CDKAL1: variants seen among roughly 807,000 people sequenced by gnomAD.
The protein encoded by CDKAL1 is CDKAL1 threonylcarbamoyladenosine tRNA methylthiotransferase, also known as threonylcarbamoyladenosine tRNA methylthiotransferase.
A neutral mutation model predicts 68.2 loss-of-function variants in CDKAL1; 32 were observed. The ratio of observed to expected loss-of-function variants is 0.47; its 90% CI spans 0.35 to 0.63. The LOEUF (loss-of-function observed/expected upper bound fraction) is 0.63. Among genes scored for constraint, CDKAL1 ranks in the 30% least tolerant of loss-of-function variants. CDKAL1 has a pLI of 0.00. For missense variants in CDKAL1, 606 were observed against 696.7 expected, an observed-to-expected ratio of 0.87 and a Z score of 1.47; for synonymous variants, 234 against 244.3, an observed-to-expected ratio of 0.96 and a Z score of 0.39.
intron 4 of CDKAL1, among the ~76,000 whole-genome samples, chr6:20,623,241 A>T (rs1231531073): frequency 6.6e-6 from 1 of 152,120 alleles, no homozygotes; most frequent in Non-Finnish European, 1.5e-5. Context: ...AGTTGTGATG[A>T]AAATACATAT....
At chr6:21,146,850 C>CAAAAAAA (rs1194653980) in intron 13 of CDKAL1, among the ~76,000 whole-genome samples, 4 of 78,258 alleles carry the variant, frequency 5.1e-5, no homozygotes, top group South Asian at 5.7e-4. Context: ...GACTCCGTCT[C>CAAAAAAA]AAAAAAAAAA....
At chr6:20,572,377 C>T (rs1232553853) in intron 4 of CDKAL1, among the ~76,000 whole-genome samples, 5 of 152,072 alleles carry the variant, frequency 3.3e-5, no homozygotes, top group South Asian at 4.2e-4. Flanking sequence ...CTGCTGAAGT[C>T]GACTTGGAGT....
intron 5 of CDKAL1, among the ~76,000 whole-genome samples, chr6:20,650,836 T>C (rs915891736): frequency 6.6e-6 from 1 of 152,230 alleles, no homozygotes; most frequent in African/African-American, 2.4e-5. Context: ...CTTGTTTTTG[T>C]CAGGTTTGTT....
At chr6:20,843,776 A>G (rs1331432075) in intron 8 of CDKAL1, among the ~76,000 whole-genome samples, 2 of 152,168 alleles carry the variant, frequency 1.3e-5, no homozygotes, top group Non-Finnish European at 2.9e-5. Context: ...TTCCATTAAG[A>G]TTGTTCACTT....
At chr6:20,721,857 C>T (rs370389059) in intron 5 of CDKAL1, among the ~76,000 whole-genome samples, 13 of 151,510 alleles carry the variant, frequency 8.6e-5, no homozygotes, top group African/African-American at 2.7e-4. Context: ...CTCAGCCTCC[C>T]GAGTAGCTGG....
intron 9 of CDKAL1, among the ~76,000 whole-genome samples, chr6:20,855,594 G>T (rs1297536169): frequency 6.6e-6 from 1 of 152,060 alleles, no homozygotes; most frequent in Non-Finnish European, 1.5e-5. Context: ...AGCCATTGGG[G>T]GCTGTAAAGG....
chr6:20,755,433 C>A (rs1774125906), intron 6 of CDKAL1, among the ~76,000 whole-genome samples: 1 of 152,060 alleles, frequency 6.6e-6, no homozygotes, highest in Admixed American at 6.6e-5. Context: ...TTTCTCCTTC[C>A]TTTTTTTCCC....
At chr6:20,896,998 A>C (rs139763439) in intron 9 of CDKAL1, among the ~76,000 whole-genome samples, 26 of 152,242 alleles carry the variant, frequency 1.7e-4, no homozygotes, top group Non-Finnish European at 2.9e-4. Context: ...TCGAATGAGT[A>C]TAAACAGCAT....
At chr6:20,585,317 G>C (rs1396420317) in intron 4 of CDKAL1, among the ~76,000 whole-genome samples, 1 of 152,144 alleles carries the variant, frequency 6.6e-6, no homozygotes, top group Non-Finnish European at 1.5e-5. Context: ...CTCCCAAAGT[G>C]CTGGGATTAC....
chr6:20,768,034 A>G lies in CDKAL1; in HGVS notation c.517+9391A>G, dbSNP rs544661870. Reference sequence around the variant, plus strand: ...TTGAGTAATAAAGAAATAGGAATTAAAATGTCCTTATAAAGGATGCTTTCT... The same window carrying G: ...TTGAGTAATAAAGAAATAGGAATTAGAATGTCCTTATAAAGGATGCTTTCT... On this transcript the variant is annotated intron_variant, in intron 7 of 15. Coordinates refer to ENST00000274695, the MANE Select transcript of CDKAL1 (RefSeq NM_017774.3). 7.9e-5 allele frequency among the ~76,000 whole-genome samples: 12 copies of G among 152,322 alleles called. No homozygotes were observed. The South Asian group carries it at 2.3e-3, about 29-fold the overall frequency.
intron 6 of CDKAL1, 128 bp downstream of exon 6, chr6:20,739,743 T>G (rs1459417056): frequency 1.9e-6 from 1 of 513,212 alleles, no homozygotes; most frequent in Non-Finnish European, 3.4e-6. Context: ...CTAAACATAT[T>G]TTCCTTATTG....
intron 7 of CDKAL1, among the ~76,000 whole-genome samples, chr6:20,776,699 G>A (rs1468956091): frequency 1.3e-5 from 2 of 152,190 alleles, no homozygotes; most frequent in African/African-American, 4.8e-5. Flanking sequence ...CAATGCTAAA[G>A]CTGCACAAGC....
intron 9 of CDKAL1, among the ~76,000 whole-genome samples, chr6:20,935,759 A>G (rs529068931): frequency 3.3e-5 from 5 of 152,274 alleles, no homozygotes; most frequent in South Asian, 2.1e-4. Flanking sequence ...AAATAGAAAC[A>G]GGATCTTGCT....
At chr6:20,562,143 C>T (rs898436175) in intron 4 of CDKAL1, among the ~76,000 whole-genome samples, 6 of 152,094 alleles carry the variant, frequency 3.9e-5, no homozygotes, top group Admixed American at 6.6e-5. Flanking sequence ...CCTGTGCCCT[C>T]GCAGAGAGAT....
intron 8 of CDKAL1, among the ~76,000 whole-genome samples, chr6:20,838,189 TTA>T: frequency 6.6e-6 from 1 of 152,242 alleles, no homozygotes; most frequent in African/African-American, 2.4e-5. Flanking sequence ...AAAGGATAAA[TTA>T]TATGTCTATT....
At chr6:20,554,710 T>G (rs1391582692) in intron 4 of CDKAL1, among the ~76,000 whole-genome samples, 1 of 152,172 alleles carries the variant, frequency 6.6e-6, no homozygotes, top group Non-Finnish European at 1.5e-5. Flanking sequence ...CCTAGCCTGA[T>G]AGTGGAATAA....
At chr6:21,151,279 G>A (rs9460600) in intron 13 of CDKAL1, among the ~76,000 whole-genome samples, 30,240 of 152,126 alleles carry the variant, frequency 0.2, 3,311 homozygotes, top group Non-Finnish European at 0.25. Flanking sequence ...TAAAGGAGAG[G>A]CAACAATAAC....
intron 4 of CDKAL1, among the ~76,000 whole-genome samples, chr6:20,596,365 G>A (rs1324091848): frequency 3.3e-5 from 5 of 152,220 alleles, no homozygotes; most frequent in South Asian, 2.1e-4. Context: ...CCTCCCCAGC[G>A]AGGAGGAATC....
intron 11 of CDKAL1, among the ~76,000 whole-genome samples, chr6:21,058,395 C>G (rs1254053593): frequency 6.6e-6 from 1 of 152,166 alleles, no homozygotes; most frequent in African/African-American, 2.4e-5. Context: ...TTATTTTGAG[C>G]CTATGTGTGT....
Sources: gnomAD v4.1 joint callset for allele counts (sites outside exome capture counted in the v4.1 genomes callset) on GRCh38, gnomAD v4.1.1 for gene constraint, MANE v1.5 for transcripts, NCBI Gene and HGNC (gene_info 2026-07-23, HGNC 2026-07-21) for gene names.